Variants in EEFSEC observed in about 807,000 individuals in gnomAD.
The protein encoded by EEFSEC is selenocysteine-specific elongation factor.
A neutral mutation model predicts 42.1 loss-of-function variants in EEFSEC; 43 were observed. The observed-to-expected ratio is 1.02, with a 90% CI of 0.80 to 1.32. The LOEUF (loss-of-function observed/expected upper bound fraction) is 1.32, where lower values mean the gene tolerates loss of function less well. Ranked by LOEUF, EEFSEC falls within the 40% of genes most tolerant of loss-of-function variation. The probability of loss-of-function intolerance (pLI) is 0.00; values close to 1 mark genes in which losing one functional copy is unlikely to be tolerated. For missense variants in EEFSEC, 745 were observed against 803.6 expected, an observed-to-expected ratio of 0.93 and a Z score of 0.88; for synonymous variants, 354 against 339.1, an observed-to-expected ratio of 1.04 and a Z score of -0.48.
chr3:128,161,799 A>T (rs1340396968), intron 1 of EEFSEC, among the ~76,000 whole-genome samples: 1 of 152,162 alleles, frequency 6.6e-6, no homozygotes, highest in Non-Finnish European at 1.5e-5. Flanking sequence ...CTTGACTCGT[A>T]AATGAAACAA....
chr3:128,272,284 C>G (rs893625426), intron 4 of EEFSEC, among the ~76,000 whole-genome samples: 1 of 152,254 alleles, frequency 6.6e-6, no homozygotes, highest in East Asian at 1.9e-4. Flanking sequence ...CACCCCTCCC[C>G]TGGCAGCGGC....
chr3:128,333,318 T>G (rs2067154122), intron 4 of EEFSEC, among the ~76,000 whole-genome samples: 1 of 152,228 alleles, frequency 6.6e-6, no homozygotes, highest in African/African-American at 2.4e-5. Context: ...ACACTGCTGT[T>G]CCTTTAAAGT....
intron 2 of EEFSEC, among the ~76,000 whole-genome samples, chr3:128,248,770 T>C (rs921779281): frequency 2.6e-5 from 4 of 152,182 alleles, no homozygotes; most frequent in African/African-American, 9.7e-5. Flanking sequence ...TTAGGGTACG[T>C]TTAAGGGTTA....
At chr3:128,162,159 T>A (rs910706976) in intron 1 of EEFSEC, among the ~76,000 whole-genome samples, 5 of 152,244 alleles carry the variant, frequency 3.3e-5, no homozygotes. Flanking sequence ...TAGTTCCTAG[T>A]ATCCATCAGG....
intron 1 of EEFSEC, among the ~76,000 whole-genome samples, chr3:128,201,344 A>T (rs996786878): frequency 6.6e-6 from 1 of 151,982 alleles, no homozygotes; most frequent in Non-Finnish European, 1.5e-5. Context: ...AGGAGATGGG[A>T]AGTGAGGCAT....
the EEFSEC span, among the ~76,000 whole-genome samples, chr3:128,415,156 T>G: frequency 6.6e-6 from 1 of 150,748 alleles, no homozygotes; most frequent in Non-Finnish European, 1.5e-5. Flanking sequence ...AGCTGTGTCT[T>G]GGGTCTGGGT....
chr3:128,365,718 A>G (rs1266541928), intron 6 of EEFSEC, among the ~76,000 whole-genome samples: 1 of 152,134 alleles, frequency 6.6e-6, no homozygotes, highest in African/African-American at 2.4e-5. Flanking sequence ...TGCTGCATTC[A>G]TGCCAGGCTG....
chr3:128,193,136 C>T (rs896018385), intron 1 of EEFSEC, among the ~76,000 whole-genome samples: 2 of 152,218 alleles, frequency 1.3e-5, no homozygotes, highest in Non-Finnish European at 2.9e-5. Context: ...GTGTCCTCCT[C>T]CCAAGGAGTG....
chr3:128,307,589 C>T (rs1281611010), intron 4 of EEFSEC, among the ~76,000 whole-genome samples: 4 of 152,142 alleles, frequency 2.6e-5, no homozygotes, highest in South Asian at 4.1e-4. Flanking sequence ...AGGGGTTCAG[C>T]GAATATTGGC....
At chr3:128,285,605 C>G (rs1483736088) in intron 4 of EEFSEC, among the ~76,000 whole-genome samples, 1 of 152,172 alleles carries the variant, frequency 6.6e-6, no homozygotes, top group Non-Finnish European at 1.5e-5. Flanking sequence ...TTTGGGTCTA[C>G]CCTCTTGTGC....
chr3:128,382,386 C>T (rs531480032), intron 6 of EEFSEC, among the ~76,000 whole-genome samples: 42 of 152,322 alleles, frequency 2.8e-4, no homozygotes, highest in African/African-American at 8.7e-4. Context: ...CCAGCGGACA[C>T]GGCACCAGCA....
At chr3:128,404,511 G>A (rs1220777063) in intron 6 of EEFSEC, among the ~76,000 whole-genome samples, 1 of 152,256 alleles carries the variant, frequency 6.6e-6, no homozygotes, top group Non-Finnish European at 1.5e-5. Context: ...AGACCTCCTG[G>A]CACCAGAGGG....
intron 1 of EEFSEC, among the ~76,000 whole-genome samples, chr3:128,222,025 GTTTTTTTTTT>G (rs60162922): frequency 2.1e-5 from 2 of 96,364 alleles, no homozygotes; most frequent in Non-Finnish European, 3.9e-5. Flanking sequence ...TTTTTTCAAA[GTTTTTTTTTT>G]TTTTTTTTTT....
rs763917674 is a variant in EEFSEC, at chr3:128,408,134, C to T, written c.1666C>T (p.Arg556Cys). The change falls in exon 7 of 7, where the codon CGT (arginine) becomes TGT (cysteine). Residue 556 changes from arginine to cysteine, a missense_variant. By Grantham distance (180) the Arg-to-Cys change is radical. Coordinates refer to ENST00000254730, the MANE Select transcript of EEFSEC (RefSeq NM_021937.5). ...PALKKRARAG[R>C]GEATRQEESA... Reference sequence around the variant, plus strand: ...CCTCAAGAAGCGGGCCCGGGCTGGCCGTGGGGAGGCCACCAGGCAGGAGGA... The same window carrying T: ...CCTCAAGAAGCGGGCCCGGGCTGGCTGTGGGGAGGCCACCAGGCAGGAGGA... The T allele has an allele frequency of 2.7e-5, 43 of 1,611,314 alleles. 1 individual carries two copies. The highest frequency in any genetic ancestry group is 2.5e-4 in the East Asian group (11 of 44,732).
chr3:128,297,132 G>A (rs2066715133), intron 4 of EEFSEC, among the ~76,000 whole-genome samples: 2 of 152,112 alleles, frequency 1.3e-5, no homozygotes, highest in Non-Finnish European at 2.9e-5. Context: ...TGAACAGCAT[G>A]TAAGAATCAG....
chr3:128,396,982 G>A (rs568712251), intron 6 of EEFSEC, among the ~76,000 whole-genome samples: 3 of 152,316 alleles, frequency 2.0e-5, no homozygotes, highest in South Asian at 2.1e-4. Context: ...GCAAGGCCCC[G>A]CAGCCCACAG....
intron 4 of EEFSEC, 71 bp downstream of exon 4, chr3:128,264,852 G>A (rs1559893003): frequency 1.7e-5 from 26 of 1,518,604 alleles, no homozygotes; most frequent in African/African-American, 2.7e-5. Flanking sequence ...CCCTTTGTCT[G>A]TTCAGCTGCT....
chr3:128,350,569 G>A lies in EEFSEC; in HGVS notation c.1444-7648G>A, dbSNP rs371146998. Among the ~76,000 whole-genome samples, 6 of 152,236 alleles carry A rather than the reference G, an allele frequency of 3.9e-5. No individual in the cohort carries two copies. The East Asian group carries it at 7.7e-4, about 20-fold the overall frequency. On this transcript the variant is annotated intron_variant, in intron 5 of 6. Transcript: ENST00000254730. ...TCTGGTCCCAGCCCAAATCCTCAGCGTTTCTTCTGACTTCCAGTATCAGGC... is the reference window on the plus strand; with the variant it reads ...TCTGGTCCCAGCCCAAATCCTCAGCATTTCTTCTGACTTCCAGTATCAGGC...
chr3:128,355,209 C>T (rs2067437264), intron 5 of EEFSEC, among the ~76,000 whole-genome samples: 2 of 152,152 alleles, frequency 1.3e-5, no homozygotes, highest in African/African-American at 4.8e-5. Flanking sequence ...ACTCCCAGTC[C>T]GAGGAGGGAG....
Sources: gnomAD v4.1 joint callset for allele counts (sites outside exome capture counted in the v4.1 genomes callset) on GRCh38, gnomAD v4.1.1 for gene constraint, MANE v1.5 for transcripts, NCBI Gene and HGNC (gene_info 2026-07-23, HGNC 2026-07-21) for gene names.